ZNF609: variants seen among roughly 807,000 people sequenced by gnomAD.
The protein encoded by ZNF609 is zinc finger protein 609.
Under a neutral mutation model 109.5 loss-of-function variants are expected in ZNF609, and 11 were observed. The ratio of observed to expected loss-of-function variants is 0.10; its 90% CI spans 0.06 to 0.17. The LOEUF (loss-of-function observed/expected upper bound fraction) is 0.17, where lower values mean the gene tolerates loss of function less well. Ranked by LOEUF, ZNF609 falls within the 10% of genes least tolerant of loss-of-function variation. The pLI is 1.00. For synonymous variants in ZNF609, 646 were observed against 662.0 expected, an observed-to-expected ratio of 0.98 and a Z score of 0.37; for missense variants, 1,559 against 1,772.4, an observed-to-expected ratio of 0.88 and a Z score of 2.16.
chr15:64,491,078 T>G (rs140381634), intron 1 of ZNF609, among the ~76,000 whole-genome samples: 1 of 152,246 alleles, frequency 6.6e-6, no homozygotes, highest in Non-Finnish European at 1.5e-5. Context: ...ATTGGAGATA[T>G]AAGCTGAAAG....
At chr15:64,581,229 G>A (rs1048072500) in intron 2 of ZNF609, among the ~76,000 whole-genome samples, 7 of 151,970 alleles carry the variant, frequency 4.6e-5, no homozygotes, top group African/African-American at 1.4e-4. Context: ...AAGGTCAACC[G>A]GAGGTGAGAG....
chr15:64,511,759 G>A (rs984540637), intron 2 of ZNF609, among the ~76,000 whole-genome samples: 34 of 149,180 alleles, frequency 2.3e-4, no homozygotes, highest in Non-Finnish European at 3.3e-4. Context: ...CTGTCGCCCA[G>A]GCTGGAGTGC....
At chr15:64,649,126 T>A in intron 3 of ZNF609, among the ~76,000 whole-genome samples, 1 of 152,140 alleles carries the variant, frequency 6.6e-6, no homozygotes, top group Non-Finnish European at 1.5e-5. Context: ...ATAGTGACTG[T>A]TATCTCCAGA....
chr15:64,573,343 T>TGTC (rs1894891345), intron 2 of ZNF609, among the ~76,000 whole-genome samples: 1 of 108,640 alleles, frequency 9.2e-6, no homozygotes. Context: ...GTGGCCCAAC[T>TGTC]TTCTTTTTTT....
intron 2 of ZNF609, among the ~76,000 whole-genome samples, chr15:64,594,510 G>A (rs926654885): frequency 1.3e-5 from 2 of 149,990 alleles, no homozygotes; most frequent in Non-Finnish European, 3.0e-5. Context: ...TTTTTTTTTT[G>A]TATTGTTGGT....
intron 3 of ZNF609, 146 bp from the exon 4 acceptor site, chr15:64,670,200 A>T: frequency 3.0e-6 from 2 of 662,958 alleles, no homozygotes; most frequent in Non-Finnish European, 5.6e-6. Flanking sequence ...CTATGGAACT[A>T]TTCTGGCCCA....
intron 1 of ZNF609, among the ~76,000 whole-genome samples, chr15:64,466,942 C>G (rs146829966): frequency 1.1e-4 from 16 of 152,280 alleles, no homozygotes; most frequent in Admixed American, 7.8e-4. Flanking sequence ...TTTCTTCCCC[C>G]CTCCCCTTGC....
Position 64,608,925 on chromosome 15 carries a change from T to TG in ZNF609, c.748-13898dup, listed in dbSNP as rs201909231. On this transcript the variant is annotated intron_variant, in intron 2 of 9. Transcript: ENST00000326648. ...AGCTAATTTTTTTTATTTTTAAAGATGGGGTCTTCCTATGTTGCCCCTGCA... is the reference window on the plus strand; with the variant it reads ...AGCTAATTTTTTTTATTTTTAAAGATGGGGGTCTTCCTATGTTGCCCCTGCA... 8.8e-3 allele frequency among the ~76,000 whole-genome samples: 1,343 copies of TG among 152,078 alleles called. 23 individuals carry two copies. Among genetic ancestry groups the TG allele is most frequent in the African/African-American group, 0.031 (1,279 of 41,504 alleles).
intron 3 of ZNF609, among the ~76,000 whole-genome samples, chr15:64,638,332 A>G (rs954180008): frequency 1.3e-5 from 2 of 151,770 alleles, no homozygotes; most frequent in East Asian, 3.8e-4. Flanking sequence ...ATCTAGTAGT[A>G]TAAGTCTTCC....
chr15:64,644,370 C>T (rs956866216), intron 3 of ZNF609, among the ~76,000 whole-genome samples: 3 of 151,986 alleles, frequency 2.0e-5, no homozygotes, highest in African/African-American at 7.3e-5. Flanking sequence ...TGCCTCTAGT[C>T]CTTGCTACTC....
intron 2 of ZNF609, chr15:64,593,248 A>C: frequency 6.5e-7 from 1 of 1,527,724 alleles, no homozygotes; most frequent in Middle Eastern, 2.3e-4. Context: ...GATCTCGTGA[A>C]GCCCGCAAGG....
chr15:64,675,591 C>T lies in ZNF609; in HGVS notation c.2737C>T (p.Pro913Ser), dbSNP rs762257992. ...ACAGTCCAGCCCTGGGGCTCTGAAC[C>T]CCAGCAGCCAGGCAGGAGTGGAGAG... ...YAQSSPGALN[P>S]SSQAGVESQA... Residue 913 changes from proline (P) to serine (S), a missense_variant, in exon 5 of 10, where the codon CCC (proline) becomes TCC (serine). By Grantham distance (74) the Pro-to-Ser change is moderately conservative (BLOSUM62 -1). Coordinates refer to ENST00000326648, the MANE Select transcript of ZNF609 (RefSeq NM_015042.2). 3 of 1,614,100 alleles carry T rather than the reference C, an allele frequency of 1.9e-6. No individual in the cohort carries two copies. Among genetic ancestry groups the T allele is most frequent in the Middle Eastern group, 1.6e-4 (1 of 6,062 alleles).
At position 64,680,359 on chromosome 15, in the gene ZNF609, C is replaced by T. The variant is rs373108405; in HGVS notation, c.3944C>T (p.Thr1315Met). 28 of 1,613,832 alleles carry T rather than the reference C, an allele frequency of 1.7e-5. No individual in the cohort carries two copies. Among genetic ancestry groups the T allele is most frequent in the African/African-American group, 1.1e-4 (8 of 74,900 alleles). ...HASHYKSKSPTISDKTSQERD... is the reference protein window; with the variant it reads ...HASHYKSKSPMISDKTSQERD... ...AGTCACTACAAGAGCAAGTCTCCCA[C>T]GGTAAGAAAAGTACAGTGATGCTGG... Residue 1315 changes from threonine (T) to methionine (M), a missense_variant and splice_region_variant, in exon 7 of 10, where the codon ACG becomes ATG. Around this residue, in one of 4 missense-constraint regions of ZNF609, gnomAD observed 1,204 missense variants for 1,314.1 expected, o/e 0.92. Coordinates refer to ENST00000326648, the MANE Select transcript of ZNF609 (RefSeq NM_015042.2).
At chr15:64,567,693 G>A (rs934259714) in intron 2 of ZNF609, among the ~76,000 whole-genome samples, 9 of 150,720 alleles carry the variant, frequency 6.0e-5, no homozygotes, top group Non-Finnish European at 1.0e-4. Context: ...ACAGGATCTC[G>A]CTCGGTCACC....
At chr15:64,678,084 AAC>A (rs1896831827) in intron 5 of ZNF609, 30 bp from the exon 6 acceptor site, 1 of 1,595,172 alleles carries the variant, frequency 6.3e-7, no homozygotes, top group East Asian at 2.2e-5. Context: ...TTATCTGTAC[AAC>A]ACCCAGTCGT....
At chr15:64,548,854 C>G (rs1894413209) in intron 2 of ZNF609, among the ~76,000 whole-genome samples, 1 of 152,038 alleles carries the variant, frequency 6.6e-6, no homozygotes, top group South Asian at 2.1e-4. Flanking sequence ...TCAAAACAAC[C>G]TACTTGAGAT....
intron 3 of ZNF609, among the ~76,000 whole-genome samples, chr15:64,625,914 AAT>A (rs1330194907): frequency 5.7e-4 from 59 of 103,076 alleles, no homozygotes; most frequent in Middle Eastern, 5.6e-3. Flanking sequence ...AAAAAAAAAA[AAT>A]ATATATATAT....
At chr15:64,535,298 C>T (rs1291394122) in intron 2 of ZNF609, among the ~76,000 whole-genome samples, 1 of 152,128 alleles carries the variant, frequency 6.6e-6, no homozygotes, top group Non-Finnish European at 1.5e-5. Context: ...GATTATCCTG[C>T]CTCTACCTCT....
At chr15:64,535,421 T>C (rs1306114482) in intron 2 of ZNF609, among the ~76,000 whole-genome samples, 1 of 152,214 alleles carries the variant, frequency 6.6e-6, no homozygotes, top group East Asian at 1.9e-4. Flanking sequence ...TTTCTGGAGA[T>C]TCATCCAGGT....
Sources: gnomAD v4.1 joint callset for allele counts (sites outside exome capture counted in the v4.1 genomes callset) on GRCh38, gnomAD v4.1.1 for gene constraint, gnomAD v4.1.1 regional missense constraint, MANE v1.5 for transcripts, NCBI Gene and HGNC (gene_info 2026-07-23, HGNC 2026-07-21) for gene names.